Variants in SORBS3 observed in about 807,000 individuals in gnomAD.
SORBS3 encodes the protein sorbin and SH3 domain containing 3, also known as vinexin.
SORBS3 carries 69 observed loss-of-function variants against 98.0 expected under a neutral mutation model. The ratio of observed to expected loss-of-function variants is 0.70; its 90% CI spans 0.58 to 0.86. The LOEUF (loss-of-function observed/expected upper bound fraction) is 0.86, where lower values mean the gene tolerates loss of function less well. SORBS3 is among the 40% of genes least tolerant of loss of function. The pLI is 0.00. For missense variants in SORBS3, 954 were observed against 908.5 expected, an observed-to-expected ratio of 1.05 and a Z score of -0.64; for synonymous variants, 394 against 355.4, an observed-to-expected ratio of 1.11 and a Z score of -1.22.
In SORBS3 at chr8:22,574,980, G is replaced by T. The variant is rs778207621; in HGVS notation, c.*252G>T. 1.7e-5 allele frequency: 11 copies of T among 650,960 alleles called. No individual in the cohort carries two copies. The highest frequency in any genetic ancestry group is 2.8e-5 in the Non-Finnish European group (10 of 352,318). The allele number at this position is 650,960 out of a possible 1,614,324, so 40.3% of individuals were successfully genotyped here. ...CCCCACTCCCCAAATACAGAGGTCT[G>T]CTTTGAAGCGGAGACCATTTCCAGG... On this transcript the variant is annotated 3_prime_UTR_variant, in exon 21 of 21. Coordinates refer to ENST00000240123, the MANE Select transcript of SORBS3 (RefSeq NM_005775.5).
chr8:22,570,963 C>A lies in SORBS3; in HGVS notation c.1485C>A (p.Arg495=). 1 of 1,613,240 alleles carries A rather than the reference C, an allele frequency of 6.2e-7. No individual in the cohort carries two copies. The highest frequency in any genetic ancestry group is 8.5e-7 in the Non-Finnish European group (1 of 1,179,562). The change falls in exon 18 of 21, where the codon CGC becomes CGA. Residue 495 remains arginine, a synonymous_variant. Transcript: ENST00000240123. The part of the protein sequence containing the change: ...RKVNENWYEG[R]ITGTGRQGIF... Reference sequence around the variant, plus strand: ...TGAACGAGAACTGGTACGAGGGACGCATCACGGGCACGGGGCGCCAAGGCA... The same window carrying A: ...TGAACGAGAACTGGTACGAGGGACGAATCACGGGCACGGGGCGCCAAGGCA...
At position 22,571,721 on chromosome 8, in the gene SORBS3, C is replaced by G; in HGVS notation, c.1747C>G (p.Leu583Val). 6.2e-7 allele frequency: 1 copy of G among 1,613,214 alleles called. No homozygotes were observed. The highest frequency in any genetic ancestry group is 8.5e-7 in the Non-Finnish European group (1 of 1,179,234). ...TQEPRPQTQN[L>V]GTPGPALSHS... ...CTTTCTTCCTGTCAACTCCCAGAAT[C>G]TTGGCACCCCTGGTCCAGCTCTGTC... The change falls in exon 19 of 21, where the codon CTT (leucine) becomes GTT (valine). Residue 583 changes from leucine to valine, a missense_variant. By Grantham distance (32) the Leu-to-Val change is conservative. Transcript: ENST00000240123.
chr8:22,560,238 G>A (rs1385283726), intron 5 of SORBS3, among the ~76,000 whole-genome samples: 2 of 152,092 alleles, frequency 1.3e-5, no homozygotes, highest in Admixed American at 6.5e-5. Flanking sequence ...CTATTTGGCA[G>A]GCTGAGGAGT....
rs747878181 is a variant in SORBS3 at position 22,567,018 on chromosome 8, G to A, written c.1191-43G>A. On this transcript the variant is annotated intron_variant, in intron 15 of 20. Coordinates refer to ENST00000240123, the MANE Select transcript of SORBS3 (RefSeq NM_005775.5). ...CAGGGTCTGAAGGGAAGGAGGCTTGGGAAGGCTTCAGCTTACCCTGCGGTC... is the reference window on the plus strand; with the variant it reads ...CAGGGTCTGAAGGGAAGGAGGCTTGAGAAGGCTTCAGCTTACCCTGCGGTC... 3 of 1,578,416 alleles carry A rather than the reference G, an allele frequency of 1.9e-6. No individual in the cohort carries two copies. In the African/African-American group the frequency reaches 4.0e-5, roughly 21 times the overall value.
chr8:22,554,845 C>T lies in SORBS3; in HGVS notation c.103-18C>T, dbSNP rs775006725. ...CCCTGCTGGGCCCTGAGCTGCCGCT[C>T]CTGGCCCCTCCCCGCAGGTGCCCGT... On this transcript the variant is annotated intron_variant, in intron 2 of 20. Transcript: ENST00000240123. This position sits in a 1 kb window ranked among gnomAD's most constrained non-coding sequence, Gnocchi z 6.5. 5 of 1,581,412 alleles carry T rather than the reference C, an allele frequency of 3.2e-6. No individual in the cohort carries two copies. The African/African-American group carries it at 6.7e-5, about 21-fold the overall frequency.
chr8:22,554,979 G>A lies in SORBS3; in HGVS notation c.219G>A (p.Pro73=), dbSNP rs777856988. 43 of 1,612,212 alleles carry A rather than the reference G, an allele frequency of 2.7e-5. No individual in the cohort carries two copies. Among genetic ancestry groups the A allele is most frequent in the Admixed American group, 6.7e-5 (4 of 59,982 alleles). ...YTPRRDASQH[P]DPAWYQTWPG... is the part of the protein sequence containing the mutation. ...CAAGACGAGATGCTTCCCAGCACCC[G>A]GGTAGGTCTGCTCAGGAGCCTCATG... is the stretch of plus-strand genomic sequence containing the variant. The change falls in exon 3 of 21, where the codon CCG becomes CCA. Residue 73 remains proline, a splice_region_variant and synonymous_variant. Transcript: ENST00000240123. This position sits in a 1 kb window ranked among gnomAD's most constrained non-coding sequence, Gnocchi z 6.5.
At chr8:22,570,273 G>A (rs2469767) in intron 17 of SORBS3, among the ~76,000 whole-genome samples, 42,061 of 152,144 alleles carry the variant, frequency 0.28, 6,894 homozygotes, top group East Asian at 0.45. Context: ...GGGAAGGCAA[G>A]GGCTGGAGGC....
At chr8:22,566,140 C>A in intron 12 of SORBS3, 1 of 686,488 alleles carries the variant, frequency 1.5e-6, no homozygotes. Flanking sequence ...ACGGCCCAGG[C>A]ACTCCCGCTG....
intron 20 of SORBS3, chr8:22,573,489 G>A: frequency 2.2e-6 from 1 of 445,680 alleles, no homozygotes; most frequent in Non-Finnish European, 4.5e-6. Flanking sequence ...TAAAAATCCA[G>A]TTCCTCAGTT....
In SORBS3 at chr8:22,564,052, C is replaced by G; in HGVS notation, c.650C>G (p.Ser217Cys). 6.2e-7 allele frequency: 1 copy of G among 1,613,928 alleles called. No homozygotes were observed. Reference protein sequence around the residue: ...STFNYRPGAFSTVLQPSNQVL... With the variant: ...STFNYRPGAFCTVLQPSNQVL... ...TTCAACTACAGACCTGGAGCATTCT[C>G]CACTGTGCTGCAGCCCTCAAATCAG... The change falls in exon 8 of 21, where the codon TCC becomes TGC. Residue 217 changes from serine (S) to cysteine (C), a missense_variant. By Grantham distance (112) the Ser-to-Cys change is moderately radical (BLOSUM62 -1). Coordinates refer to ENST00000240123, the MANE Select transcript of SORBS3 (RefSeq NM_005775.5).
rs1394776526 is a variant in SORBS3, at chr8:22,571,040, G to C, written c.1562G>C (p.Cys521Ser). Residue 521 changes from cysteine (C) to serine (S), a missense_variant, in exon 18 of 21, where the codon TGT becomes TCT. By Grantham distance (112) the Cys-to-Ser change is moderately radical. Coordinates refer to ENST00000240123, the MANE Select transcript of SORBS3 (RefSeq NM_005775.5). ...TCTCGTGAACCCCGGCTCCGGCTCTGTGACGACGGCCCCCAGCTCCCCACG... is the reference window on the plus strand; with the variant it reads ...TCTCGTGAACCCCGGCTCCGGCTCTCTGACGACGGCCCCCAGCTCCCCACG... ...QVSREPRLRL[C>S]DDGPQLPTSP... 4.3e-6 allele frequency: 7 copies of C among 1,613,314 alleles called. No individual in the cohort carries two copies. Among genetic ancestry groups the C allele is most frequent in the Non-Finnish European group, 5.9e-6 (7 of 1,179,900 alleles).
At chr8:22,565,924 G>A in intron 12 of SORBS3, 52 bp downstream of exon 12, 2 of 1,175,460 alleles carry the variant, frequency 1.7e-6, no homozygotes. Flanking sequence ...CCGGGCGGGA[G>A]GGAACGTGGC....
At position 22,571,359 on chromosome 8, in the gene SORBS3, A is replaced by G. The variant is rs531236425; in HGVS notation, c.1743+138A>G. ...GTGGGGTGACAGGGCAGAAGCTAGT[A>G]TGGCAGCCCCACCCTGGCCTGGGGG... On this transcript the variant is annotated intron_variant, in intron 18 of 20. Coordinates refer to ENST00000240123, the MANE Select transcript of SORBS3 (RefSeq NM_005775.5). 6.5e-6 allele frequency: 4 copies of G among 617,312 alleles called. No individual in the cohort carries two copies. In the South Asian group the frequency reaches 8.0e-5, roughly 12 times the overall value. 38.2% of individuals were successfully genotyped at this position (617,312 alleles called of 1,614,324 possible). A position where few individuals can be genotyped will look rare whatever the true frequency, so the allele number is the denominator to read the frequency against.
chr8:22,554,488 C>G lies in SORBS3; in HGVS notation c.-19C>G, dbSNP rs1238943842. The G allele has an allele frequency of 6.2e-7, 1 of 1,606,532 alleles. No individual in the cohort carries two copies. The highest frequency in any genetic ancestry group is 1.7e-5 in the Admixed American group (1 of 59,636). ...AGGAGCAGCTGGCTTGCCCGGAGTC[C>G]TCCCACCTTGACCCAAGCATGCAGG... is the stretch of plus-strand genomic sequence containing the variant. On this transcript the variant is annotated 5_prime_UTR_variant, in exon 2 of 21. Transcript: ENST00000240123. The surrounding 1 kb of genome is among the most constrained non-coding windows in gnomAD (Gnocchi z 6.5).
upstream of SORBS3, among the ~76,000 whole-genome samples, chr8:22,551,476 C>T (rs1199242243): frequency 6.6e-6 from 1 of 152,170 alleles, no homozygotes; most frequent in Non-Finnish European, 1.5e-5. This position sits in a 1 kb window ranked among gnomAD's most constrained non-coding sequence, Gnocchi z 5.8. Context: ...GTCCTGGCTC[C>T]GCTGCGAGGC....
chr8:22,565,806 T>A lies in SORBS3; in HGVS notation c.904-20T>A. The A allele has an allele frequency of 1.5e-6, 2 of 1,316,632 alleles. No homozygotes were observed. Among genetic ancestry groups the A allele is most frequent in the Non-Finnish European group, 1.9e-6 (2 of 1,030,884 alleles). The allele number at this position is 1,316,632 out of a possible 1,614,324, so 81.6% of individuals were successfully genotyped here. On this transcript the variant is annotated intron_variant, in intron 11 of 20. Transcript: ENST00000240123. ...GGGTCCCGGGGTCGCGGGCCCTGAT[T>A]GCGCCGTTTCCCCGCGCAGAGCTCG...
At chr8:22,562,243 T>A (rs538735276) in intron 7 of SORBS3, among the ~76,000 whole-genome samples, 1 of 152,106 alleles carries the variant, frequency 6.6e-6, no homozygotes, top group Non-Finnish European at 1.5e-5. Context: ...CCACCGGTCT[T>A]ATGAGACCGG....
In SORBS3 at chr8:22,565,863, C is replaced by A; in HGVS notation, c.941C>A (p.Pro314His). 7.9e-7 allele frequency: 1 copy of A among 1,271,374 alleles called. No homozygotes were observed. Among genetic ancestry groups the A allele is most frequent in the South Asian group, 2.6e-5 (1 of 38,684 alleles). The allele number at this position is 1,271,374 out of a possible 1,614,324, so 78.8% of individuals were successfully genotyped here. A position where few individuals can be genotyped will look rare whatever the true frequency, so the allele number is the denominator to read the frequency against. Residue 314 changes from proline to histidine, a missense_variant, in exon 12 of 21, where the codon CCC becomes CAC. By Grantham distance (77) the Pro-to-His change is moderately conservative. Transcript: ENST00000240123. ...PAPRRAPEQR[P>H]PAGPASAWSS... is the part of the protein sequence containing the mutation. ...CCCCGACGGGCCCCGGAGCAGCGGC[C>A]CCCGGCCGGGTGAGTGGGAGACGCG... is the stretch of plus-strand genomic sequence containing the variant.
Position 22,566,851 on chromosome 8 carries a change from C to G in SORBS3, c.1173C>G (p.Phe391Leu). Residue 391 changes from phenylalanine (F) to leucine (L), a missense_variant, in exon 15 of 21, where the codon TTC (phenylalanine) becomes TTG (leucine). By Grantham distance (22) the Phe-to-Leu change is conservative. Transcript: ENST00000240123. ...KRKAARLKFD[F>L]QAQSPKELTL... The stretch of plus-strand genomic sequence containing the variant: ...AGGCCGCCAGGCTCAAGTTTGACTT[C>G]CAGGCGCAGTCCCCCAAGTAAGCGC... 10 of 1,612,656 alleles carry G rather than the reference C, an allele frequency of 6.2e-6. No homozygotes were observed. The highest frequency in any genetic ancestry group is 8.5e-6 in the Non-Finnish European group (10 of 1,179,330).
Sources: allele counts gnomAD v4.1 joint callset (sites outside exome capture counted in the v4.1 genomes callset), GRCh38; gene constraint gnomAD v4.1.1; non-coding constraint Gnocchi (gnomAD v3.1); transcripts MANE v1.5; gene names NCBI Gene and HGNC (gene_info 2026-07-23, HGNC 2026-07-21).